DIAPH3: variants seen among roughly 807,000 people sequenced by gnomAD.
DIAPH3 encodes the protein protein diaphanous homolog 3.
A neutral mutation model predicts 144.3 loss-of-function variants in DIAPH3; 117 were observed. That is an observed-to-expected ratio of 0.81 (90% CI 0.70 to 0.95). The LOEUF is 0.95. Among genes scored for constraint, DIAPH3 ranks in the 40% least tolerant of loss-of-function variants. The probability of loss-of-function intolerance (pLI) is 0.00; values close to 1 mark genes in which losing one functional copy is unlikely to be tolerated. For missense variants in DIAPH3, 1,421 were observed against 1,412.7 expected (o/e 1.01, Z -0.09); for synonymous variants, 519 against 488.9 (o/e 1.06, Z -0.81).
chr13:59,732,001 G>A (rs1018655163), intron 27 of DIAPH3, among the ~76,000 whole-genome samples: 1 of 152,006 alleles, frequency 6.6e-6, no homozygotes, highest in Non-Finnish European at 1.5e-5. Flanking sequence ...GAATCTTTGT[G>A]GGGTATTAGT....
intron 27 of DIAPH3, among the ~76,000 whole-genome samples, chr13:59,756,434 AAGGAAGGAAAGAAG>A (rs1566265898): frequency 1.5e-5 from 2 of 136,440 alleles, no homozygotes; most frequent in Admixed American, 7.3e-5. Context: ...GGAAGGAAGG[AAGGAAGGAAAGAAG>A]GAAGGAAGGA....
rs762394580 is a variant in DIAPH3 at position 59,983,804 on chromosome 13, C to T, written c.1445G>A (p.Arg482Gln). 24 of 1,608,474 alleles carry T rather than the reference C, an allele frequency of 1.5e-5. No homozygotes were observed. The highest frequency in any genetic ancestry group is 1.1e-4 in the East Asian group (5 of 44,720). ...RDGMDPDFTYRKRLDLDLTQF... is the reference protein window; with the variant it reads ...RDGMDPDFTYQKRLDLDLTQF... ...GGTTAAATCTAAATCTAGTCTTTTT[C>T]GATATGTGAAGTCTGGATCCATTCC... The change falls in exon 13 of 28, where the codon CGA becomes CAA. Residue 482 changes from arginine to glutamine, a missense_variant. By Grantham distance (43) the Arg-to-Gln change is conservative (BLOSUM62 1). Coordinates refer to ENST00000400324, the MANE Select transcript of DIAPH3 (RefSeq NM_001042517.2).
At chr13:59,774,364 C>T (rs1000507082) in intron 26 of DIAPH3, 116 bp from the exon 27 acceptor site, 2 of 801,762 alleles carry the variant, frequency 2.5e-6, no homozygotes, top group Non-Finnish European at 4.1e-6. Flanking sequence ...CAAAGTAATG[C>T]TTCAATATCC....
intron 12 of DIAPH3, among the ~76,000 whole-genome samples, chr13:59,990,077 A>G (rs1361155164): frequency 1.3e-5 from 2 of 151,952 alleles, no homozygotes; most frequent in African/African-American, 4.8e-5. Context: ...TTAATCTAGC[A>G]TTTATAATAT....
At chr13:60,022,056 G>A (rs1410883430) in intron 5 of DIAPH3, among the ~76,000 whole-genome samples, 2 of 152,054 alleles carry the variant, frequency 1.3e-5, no homozygotes, top group East Asian at 1.9e-4. Flanking sequence ...TTTTCTACAA[G>A]TACATTGCTA....
chr13:59,900,807 A>G (rs1234094568), intron 20 of DIAPH3, among the ~76,000 whole-genome samples: 2 of 152,148 alleles, frequency 1.3e-5, no homozygotes, highest in African/African-American at 2.4e-5. Flanking sequence ...TATGTCCACT[A>G]AGAGGTCAAC....
intron 27 of DIAPH3, among the ~76,000 whole-genome samples, chr13:59,742,095 C>A (rs1343308710): frequency 6.6e-6 from 1 of 152,154 alleles, no homozygotes; most frequent in African/African-American, 2.4e-5. Context: ...TGCAGGGGAA[C>A]TCCCATTTAT....
In DIAPH3 at chr13:59,969,990, C is replaced by T. The variant is rs758628121; in HGVS notation, c.2028G>A (p.Val676=). ...TATTCTCAAGTTTACAAAGCAAATC[C>T]ACGTTTTCATACTTATTTTCATTTA... ...IKVNENKYEN[V]DLLCKLENTF... The change falls in exon 17 of 28, where the codon GTG becomes GTA. Residue 676 remains valine (V), a synonymous_variant. Coordinates refer to ENST00000400324, the MANE Select transcript of DIAPH3 (RefSeq NM_001042517.2). 1.2e-6 allele frequency: 2 copies of T among 1,609,690 alleles called. No homozygotes were observed. The highest frequency in any genetic ancestry group is 1.7e-6 in the Non-Finnish European group (2 of 1,177,608).
chr13:59,971,078 G>A lies in DIAPH3; in HGVS notation c.1733C>T (p.Pro578Leu), dbSNP rs76366906. 1.6e-3 allele frequency: 2,648 copies of A among 1,613,338 alleles called. 23 individuals are homozygous for A. The East Asian group carries it at 0.026, about 16-fold the overall frequency. ...GGTGHSALPP[P>L]PPLPSGGGVP... is the part of the protein sequence containing the mutation. Reference sequence around the variant, plus strand: ...CCCTCCACCAGAAGGCAGTGGAGGCGGAGGAGGAAGTGCTGAGTGGCCAGT... The same window carrying A: ...CCCTCCACCAGAAGGCAGTGGAGGCAGAGGAGGAAGTGCTGAGTGGCCAGT... Residue 578 changes from proline (P) to leucine (L), a missense_variant, in exon 16 of 28, where the codon CCG (proline) becomes CTG (leucine). Transcript: ENST00000400324.
chr13:59,755,262 C>T (rs931884152), intron 27 of DIAPH3, among the ~76,000 whole-genome samples: 3 of 151,896 alleles, frequency 2.0e-5, no homozygotes, highest in Non-Finnish European at 4.4e-5. Context: ...ATGTGCACAG[C>T]CAGGGCAAGG....
At chr13:60,023,051 C>A (rs1031733872) in intron 5 of DIAPH3, among the ~76,000 whole-genome samples, 1 of 152,006 alleles carries the variant, frequency 6.6e-6, no homozygotes, top group Admixed American at 6.5e-5. Context: ...GTAATTCAAG[C>A]CTCATTTTAA....
At chr13:59,861,173 G>A in intron 22 of DIAPH3, 1 of 1,374,262 alleles carries the variant, frequency 7.3e-7, no homozygotes, top group East Asian at 2.5e-5. Context: ...GGTTTAAACT[G>A]TAAAACAAAG....
chr13:59,923,652 C>G (rs200884154), intron 18 of DIAPH3, among the ~76,000 whole-genome samples: 1 of 152,170 alleles, frequency 6.6e-6, no homozygotes, highest in Admixed American at 6.5e-5. Flanking sequence ...TAACTCCACT[C>G]CCATCTTCAC....
intron 4 of DIAPH3, among the ~76,000 whole-genome samples, chr13:60,051,503 C>T (rs532700686): frequency 1.3e-5 from 2 of 152,082 alleles, no homozygotes; most frequent in Non-Finnish European, 2.9e-5. Context: ...GCCTGTAATC[C>T]AAGCTACTTG....
chr13:60,088,397 T>C (rs2057822624), intron 4 of DIAPH3, among the ~76,000 whole-genome samples: 1 of 152,106 alleles, frequency 6.6e-6, no homozygotes, highest in South Asian at 2.1e-4. Flanking sequence ...CTCAAACTTG[T>C]CCTCCTTCCC....
chr13:59,885,305 C>T (rs2045361695), intron 20 of DIAPH3, among the ~76,000 whole-genome samples: 1 of 151,994 alleles, frequency 6.6e-6, no homozygotes, highest in African/African-American at 2.4e-5. Context: ...TAAATTCATT[C>T]ATGCCCGCTT....
chr13:59,776,046 T>A (rs2038397775), intron 25 of DIAPH3, among the ~76,000 whole-genome samples: 1 of 152,252 alleles, frequency 6.6e-6, no homozygotes. Context: ...GCATTCTTTA[T>A]GAAATTGTAT....
intron 24 of DIAPH3, among the ~76,000 whole-genome samples, chr13:59,832,402 T>G (rs911500009): frequency 2.0e-5 from 3 of 151,828 alleles, no homozygotes; most frequent in Non-Finnish European, 2.9e-5. Flanking sequence ...CCTCAAAACT[T>G]TTTAATCGCC....
rs1205958271 is a variant in DIAPH3, at chr13:59,992,473, T to C, written c.1125A>G (p.Pro375=). Residue 375 remains proline, a splice_region_variant and synonymous_variant, in exon 10 of 28, where the codon CCA becomes CCG. Transcript: ENST00000400324. ...FMRCGLKEIL[P]NLKCIKNDGL... ...AATAAGGAGACTGCAGGGCACTTAC[T>C]GGCAATATCTCTTTCAATCCACAAC... 1.2e-6 allele frequency: 2 copies of C among 1,609,616 alleles called. No individual in the cohort carries two copies. Among genetic ancestry groups the C allele is most frequent in the Non-Finnish European group, 1.7e-6 (2 of 1,177,460 alleles).
Sources: allele counts gnomAD v4.1 joint callset (sites outside exome capture counted in the v4.1 genomes callset), GRCh38; gene constraint gnomAD v4.1.1; transcripts MANE v1.5; gene names NCBI Gene and HGNC (gene_info 2026-07-23, HGNC 2026-07-21).